Variants in CNKSR3 observed in about 807,000 individuals in gnomAD.
CNKSR3 encodes CNKSR family member 3, also known as connector enhancer of kinase suppressor of ras 3.
Under a neutral mutation model 67.7 loss-of-function variants are expected in CNKSR3, and 36 were observed. The ratio of observed to expected loss-of-function variants is 0.53; its 90% CI spans 0.41 to 0.70. CNKSR3 has a LOEUF of 0.70. CNKSR3 is among the 30% of genes least tolerant of loss of function. CNKSR3 has a pLI of 0.00. For missense variants in CNKSR3, 630 were observed against 695.2 expected (o/e 0.91, Z 1.05); for synonymous variants, 281 against 271.4 (o/e 1.04, Z -0.35).
intron 1 of CNKSR3, among the ~76,000 whole-genome samples, chr6:154,463,983 G>A (rs564947382): frequency 6.6e-6 from 1 of 152,286 alleles, no homozygotes; most frequent in African/African-American, 2.4e-5. Flanking sequence ...AGCAAAGCCA[G>A]CTCCCATCAA....
rs961428376 is a variant in CNKSR3 at position 154,510,144 on chromosome 6, G to A, written c.-30C>T. Reference sequence around the variant, plus strand: ...AACCGCTTCGCCTCTCGCTGGGCTGGAGAGTCGCAGATAAAGTGCTGCTGC... The same window carrying A: ...AACCGCTTCGCCTCTCGCTGGGCTGAAGAGTCGCAGATAAAGTGCTGCTGC... On this transcript the variant is annotated 5_prime_UTR_variant, in exon 1 of 13. Transcript: ENST00000607772. 6 of 1,613,842 alleles carry A rather than the reference G, an allele frequency of 3.7e-6. No homozygotes were observed. Among genetic ancestry groups the A allele is most frequent in the Non-Finnish European group, 5.1e-6 (6 of 1,179,814 alleles).
chr6:154,418,969 A>T (rs1205029827), intron 9 of CNKSR3, among the ~76,000 whole-genome samples: 1 of 151,088 alleles, frequency 6.6e-6, no homozygotes, highest in East Asian at 1.9e-4. Context: ...AAAAAAAAAA[A>T]CAAAACACAA....
intron 1 of CNKSR3, among the ~76,000 whole-genome samples, chr6:154,483,629 A>C (rs762437879): frequency 2.6e-5 from 4 of 152,044 alleles, no homozygotes; most frequent in Non-Finnish European, 5.9e-5. Flanking sequence ...CAGGACACAG[A>C]GTCAGCCTTA....
At chr6:154,425,417 G>C (rs936674895) in intron 7 of CNKSR3, among the ~76,000 whole-genome samples, 2 of 152,214 alleles carry the variant, frequency 1.3e-5, no homozygotes, top group African/African-American at 4.8e-5. Flanking sequence ...GGTAAAGAGA[G>C]AGCTTGGTAC....
At chr6:154,412,037 T>G (rs1784923270) in intron 10 of CNKSR3, among the ~76,000 whole-genome samples, 1 of 152,212 alleles carries the variant, frequency 6.6e-6, no homozygotes, top group African/African-American at 2.4e-5. Flanking sequence ...GAGTCCAAGT[T>G]ACCAGCTGCT....
At chr6:154,502,519 G>A (rs1787020303) in intron 1 of CNKSR3, among the ~76,000 whole-genome samples, 1 of 152,128 alleles carries the variant, frequency 6.6e-6, no homozygotes, top group South Asian at 2.1e-4. Flanking sequence ...TGGTTAGGAA[G>A]GAACTAGAAG....
intron 2 of CNKSR3, 36 bp downstream of exon 2, chr6:154,450,059 G>A (rs762408470): frequency 6.9e-6 from 11 of 1,586,026 alleles, no homozygotes; most frequent in Admixed American, 5.4e-5. Context: ...TCTAAAGAAC[G>A]TCATCACGGT....
chr6:154,487,697 T>C (rs1786702545), intron 1 of CNKSR3, among the ~76,000 whole-genome samples: 1 of 152,218 alleles, frequency 6.6e-6, no homozygotes, highest in South Asian at 2.1e-4. Context: ...TTATTCTCTA[T>C]TGCAGGCAAT....
At chr6:154,477,362 G>T (rs1222757188) in intron 1 of CNKSR3, among the ~76,000 whole-genome samples, 6 of 152,004 alleles carry the variant, frequency 3.9e-5, no homozygotes, top group Non-Finnish European at 8.8e-5. Context: ...CCAGGCTGGA[G>T]AGCAGTGGTA....
chr6:154,479,217 GAA>G (rs34458416), intron 1 of CNKSR3, among the ~76,000 whole-genome samples: 1 of 101,400 alleles, frequency 9.9e-6, no homozygotes, highest in Non-Finnish European at 2.2e-5. Context: ...TGGATTCAGA[GAA>G]AAAAAAAAAA....
chr6:154,415,934 A>C (rs1231447304), intron 9 of CNKSR3, among the ~76,000 whole-genome samples: 1 of 152,180 alleles, frequency 6.6e-6, no homozygotes, highest in African/African-American at 2.4e-5. Flanking sequence ...AGGCAGGGAA[A>C]TATTTGGTGA....
chr6:154,493,302 G>A (rs1188760797), intron 1 of CNKSR3, among the ~76,000 whole-genome samples: 2 of 152,076 alleles, frequency 1.3e-5, no homozygotes, highest in Non-Finnish European at 1.5e-5. Flanking sequence ...TCCACCTGTG[G>A]CCCTTCCTAA....
At chr6:154,408,819 G>A (rs1467160427) in intron 12 of CNKSR3, among the ~76,000 whole-genome samples, 1 of 152,180 alleles carries the variant, frequency 6.6e-6, no homozygotes, top group Non-Finnish European at 1.5e-5. Flanking sequence ...AAGTGGCTGT[G>A]TATAGATAGA....
intron 4 of CNKSR3, among the ~76,000 whole-genome samples, chr6:154,437,799 T>C (rs1283137897): frequency 6.6e-6 from 1 of 152,340 alleles, no homozygotes; most frequent in East Asian, 1.9e-4. Context: ...CAGAAAATGA[T>C]ATCCTGATAT....
rs186395276 is a variant in CNKSR3, at chr6:154,418,076, C to G, written c.946-3653G>C. ...ATCTAGAGTCTCACTACCGCCACTA[C>G]CACCCCCCGCTGCTGGGAATGTCAG... On this transcript the variant is annotated intron_variant, in intron 9 of 12. Coordinates refer to ENST00000607772, the MANE Select transcript of CNKSR3 (RefSeq NM_173515.4). Among the ~76,000 whole-genome samples the G allele has an allele frequency of 3.1e-3, 476 of 152,296 alleles. 3 individuals carry two copies. Among genetic ancestry groups the G allele is most frequent in the Non-Finnish European group, 1.7e-3 (119 of 68,014 alleles).
intron 9 of CNKSR3, among the ~76,000 whole-genome samples, chr6:154,419,587 C>G (rs961447751): frequency 6.6e-6 from 1 of 152,110 alleles, no homozygotes; most frequent in African/African-American, 2.4e-5. Context: ...GAAAACACTA[C>G]GGAGGTTTCC....
intron 12 of CNKSR3, among the ~76,000 whole-genome samples, chr6:154,408,178 C>T (rs1226746822): frequency 6.6e-6 from 1 of 152,132 alleles, no homozygotes; most frequent in Non-Finnish European, 1.5e-5. Flanking sequence ...GCGCCCACCA[C>T]CACACCTGGC....
At chr6:154,472,493 C>T (rs140634997) in intron 1 of CNKSR3, among the ~76,000 whole-genome samples, 467 of 152,282 alleles carry the variant, frequency 3.1e-3, no homozygotes, top group African/African-American at 0.01. Context: ...GCCCTCAACT[C>T]TAAATCCCCC....
Position 154,510,352 on chromosome 6 carries a change from G to A in CNKSR3, c.-238C>T, listed in dbSNP as rs1787191345. On this transcript the variant is annotated 5_prime_UTR_variant, in exon 1 of 13. Coordinates refer to ENST00000607772, the MANE Select transcript of CNKSR3 (RefSeq NM_173515.4). ...TGCAGCTCCTCCTTCCCCCGCCGCC[G>A]CCGGGATCCCGGGCACAGCTGCTGC... 1 of 541,834 alleles carries A rather than the reference G, an allele frequency of 1.8e-6. No homozygotes were observed. Among genetic ancestry groups the A allele is most frequent in the Non-Finnish European group, 3.2e-6 (1 of 309,404 alleles). 33.6% of individuals were successfully genotyped at this position (541,834 alleles called of 1,614,324 possible). A position where few individuals can be genotyped will look rare whatever the true frequency, so the allele number is the denominator to read the frequency against.
Sources: allele counts gnomAD v4.1 joint callset (sites outside exome capture counted in the v4.1 genomes callset), GRCh38; gene constraint gnomAD v4.1.1; transcripts MANE v1.5; gene names NCBI Gene and HGNC (gene_info 2026-07-23, HGNC 2026-07-21).